Variants in SLC41A3 observed in about 807,000 individuals in gnomAD.
SLC41A3 encodes SLC41A1-like 2.
In SLC41A3, 44 loss-of-function variants were observed where a neutral mutation model predicts 45.4. The observed-to-expected ratio is 0.97, with a 90% CI of 0.76 to 1.25. The LOEUF (loss-of-function observed/expected upper bound fraction) is 1.25. SLC41A3 is among the 50% of genes most tolerant of loss of function. SLC41A3 has a pLI of 0.00. For missense variants in SLC41A3, 550 were observed against 600.6 expected (o/e 0.92, Z 0.88); for synonymous variants, 256 against 252.4 (o/e 1.01, Z -0.13).
chr3:126,011,031 T>G (rs767890823), intron 9 of SLC41A3, among the ~76,000 whole-genome samples: 3 of 152,164 alleles, frequency 2.0e-5, no homozygotes, highest in Non-Finnish European at 4.4e-5. Context: ...TCACTCATCT[T>G]ACCAAGAGCA....
intron 1 of SLC41A3, among the ~76,000 whole-genome samples, chr3:126,082,875 C>T (rs528396172): frequency 1.3e-4 from 20 of 152,322 alleles, no homozygotes; most frequent in Middle Eastern, 3.4e-3. Context: ...GCAGGGAGGC[C>T]GCCAGGACCT....
chr3:126,025,782 G>A (rs60525411), intron 5 of SLC41A3: 2,666 of 152,986 alleles, frequency 0.017, 41 homozygotes, highest in Middle Eastern at 0.084. Flanking sequence ...GCAGCCCCAC[G>A]AGGAGTAAAT....
chr3:126,026,425 C>T lies in SLC41A3; in HGVS notation c.508G>A (p.Val170Met), dbSNP rs144300026. 3.0e-5 allele frequency: 48 copies of T among 1,597,646 alleles called. No individual in the cohort carries two copies. Among genetic ancestry groups the T allele is most frequent in the Non-Finnish European group, 3.6e-5 (42 of 1,171,940 alleles). ...LAAVAALLLG[V>M]VSREEVDVAK... ...ACATCCACTTCCTCTCGAGACACCA[C>T]GCCCAACAGCAGCGCAGCCACAGCA... The change falls in exon 5 of 11, where the codon GTG becomes ATG. Residue 170 changes from valine (V) to methionine (M), a missense_variant. Transcript: ENST00000360370. The surrounding 1 kb of genome is among the most constrained non-coding windows in gnomAD (Gnocchi z 4.2).
intron 1 of SLC41A3, 105 bp from the exon 2 acceptor site, chr3:126,068,351 A>C: frequency 9.2e-7 from 1 of 1,084,522 alleles, no homozygotes; most frequent in Non-Finnish European, 1.2e-6. Flanking sequence ...GCATGGTCCC[A>C]TCCAACCCAC....
At chr3:126,015,946 C>G (rs969868567) in intron 7 of SLC41A3, among the ~76,000 whole-genome samples, 2 of 152,206 alleles carry the variant, frequency 1.3e-5, no homozygotes. Context: ...CATGCCCACC[C>G]CATGTTCTCA....
chr3:126,076,441 C>A (rs1944882341), intron 1 of SLC41A3, among the ~76,000 whole-genome samples: 1 of 152,080 alleles, frequency 6.6e-6, no homozygotes, highest in Non-Finnish European at 1.5e-5. Flanking sequence ...CACTTTGGGG[C>A]TATTATAAAT....
At chr3:126,035,713 G>T (rs527898560) in intron 3 of SLC41A3, among the ~76,000 whole-genome samples, 1 of 152,324 alleles carries the variant, frequency 6.6e-6, no homozygotes, top group South Asian at 2.1e-4. Flanking sequence ...CAGGGTAGGG[G>T]ATTTCCAGTA....
At chr3:126,023,016 G>A (rs1228019496) in intron 5 of SLC41A3, 84 bp from the exon 6 acceptor site, 2 of 1,561,280 alleles carry the variant, frequency 1.3e-6, no homozygotes, top group African/African-American at 2.7e-5. Flanking sequence ...ACAGGGATGG[G>A]CGGCACTGAG....
chr3:126,091,142 A>G (rs568426718), intron 1 of SLC41A3, among the ~76,000 whole-genome samples: 33 of 152,200 alleles, frequency 2.2e-4, no homozygotes, highest in Non-Finnish European at 4.1e-4. Flanking sequence ...GATCTCTATG[A>G]AGGTACATTT....
chr3:126,013,133 G>A (rs944480519), intron 8 of SLC41A3, among the ~76,000 whole-genome samples: 8 of 152,274 alleles, frequency 5.3e-5, no homozygotes, highest in Middle Eastern at 3.4e-3. Flanking sequence ...AGGCAGTCTG[G>A]ATAAGTCAGA....
At chr3:126,007,340 C>A (rs752379969) in intron 10 of SLC41A3, 115 bp from the exon 11 acceptor site, 33 of 1,104,930 alleles carry the variant, frequency 3.0e-5, no homozygotes, top group Non-Finnish European at 4.2e-5. Flanking sequence ...CAACCCCAGC[C>A]AGCCTCCTTC....
At chr3:126,087,740 C>T (rs1213035415), upstream of SLC41A3, among the ~76,000 whole-genome samples, 1 of 151,484 alleles carries the variant, frequency 6.6e-6, no homozygotes, top group African/African-American at 2.4e-5. Context: ...AAAATTTAAG[C>T]ATGTTGTGAA....
intron 10 of SLC41A3, 134 bp from the exon 11 acceptor site, chr3:126,007,359 T>A: frequency 1.1e-6 from 1 of 941,976 alleles, no homozygotes; most frequent in Admixed American, 2.3e-5. Context: ...TCATCCAGCT[T>A]CTCTTGGGGT....
chr3:126,085,987 G>A (rs777903363), upstream of SLC41A3, among the ~76,000 whole-genome samples: 2 of 152,144 alleles, frequency 1.3e-5, no homozygotes, highest in South Asian at 4.1e-4. Context: ...ACTGAGACAT[G>A]TAACAGGGTG....
intron 1 of SLC41A3, among the ~76,000 whole-genome samples, chr3:126,081,586 A>C (rs1010248623): frequency 1.3e-5 from 2 of 152,256 alleles, no homozygotes; most frequent in African/African-American, 2.4e-5. Context: ...GAACGTGTTA[A>C]ATTATCACAG....
At chr3:126,041,121 G>C (rs887897845) in intron 3 of SLC41A3, among the ~76,000 whole-genome samples, 1 of 152,156 alleles carries the variant, frequency 6.6e-6, no homozygotes, top group Non-Finnish European at 1.5e-5. Context: ...CACAGTGGTT[G>C]AAGAGACAGA....
intron 1 of SLC41A3, among the ~76,000 whole-genome samples, chr3:126,080,442 T>G (rs1576372439): frequency 6.6e-6 from 1 of 152,084 alleles, no homozygotes; most frequent in African/African-American, 2.4e-5. Context: ...ATGGCTCACA[T>G]ATATGCAAAA....
intron 2 of SLC41A3, among the ~76,000 whole-genome samples, chr3:126,062,641 C>T (rs1053003813): frequency 6.6e-6 from 1 of 152,194 alleles, no homozygotes; most frequent in Non-Finnish European, 1.5e-5. Context: ...TGGTTAAATG[C>T]CTGAAAATTA....
chr3:126,091,307 G>C (rs1174665657), intron 1 of SLC41A3, among the ~76,000 whole-genome samples: 1 of 152,172 alleles, frequency 6.6e-6, no homozygotes, highest in Non-Finnish European at 1.5e-5. Context: ...TCCTGAGAAC[G>C]TGTGCCTTAG....
Sources: gnomAD v4.1 joint callset for allele counts (sites outside exome capture counted in the v4.1 genomes callset) on GRCh38, gnomAD v4.1.1 for gene constraint, Gnocchi (gnomAD v3.1) non-coding constraint, MANE v1.5 for transcripts, NCBI Gene and HGNC (gene_info 2026-07-23, HGNC 2026-07-21) for gene names.